Variants in PAQR3 observed in about 807,000 individuals in gnomAD.
PAQR3 encodes the protein Raf kinase trapping to Golgi.
PAQR3 carries 39 observed loss-of-function variants against 41.7 expected under a neutral mutation model. The observed-to-expected ratio is 0.93, with a 90% CI of 0.72 to 1.22. The LOEUF is 1.22. PAQR3 is among the 50% of genes most tolerant of loss of function. PAQR3 has a pLI of 0.00. For missense variants in PAQR3, 366 were observed against 385.6 expected, an observed-to-expected ratio of 0.95 and a Z score of 0.42; for synonymous variants, 140 against 140.6, an observed-to-expected ratio of 1.00 and a Z score of 0.03.
downstream of PAQR3, chr4:78,910,910 T>G: frequency 6.2e-7 from 1 of 1,613,942 alleles, no homozygotes; most frequent in East Asian, 2.2e-5. Flanking sequence ...AGGCCTCTCC[T>G]CATGGATTCT....
chr4:78,887,145 T>G, exon 13 of PAQR3: 2 of 1,386,426 alleles, frequency 1.4e-6, no homozygotes, highest in Non-Finnish European at 2.0e-6. Flanking sequence ...TCATTTCATT[T>G]TTTATTTCGT....
chr4:78,895,729 C>T (rs1733667853), intron 11 of PAQR3, among the ~76,000 whole-genome samples: 1 of 151,962 alleles, frequency 6.6e-6, no homozygotes, highest in Non-Finnish European at 1.5e-5. Context: ...ATATCATTGC[C>T]AATTGTACTC....
chr4:78,896,143 G>A (rs1733687295), intron 11 of PAQR3, among the ~76,000 whole-genome samples: 1 of 151,296 alleles, frequency 6.6e-6, no homozygotes, highest in African/African-American at 2.5e-5. Context: ...TAACTTTTTT[G>A]CAGCCAAGAT....
At chr4:78,901,451 C>T (rs1734002825) in intron 11 of PAQR3, among the ~76,000 whole-genome samples, 1 of 152,118 alleles carries the variant, frequency 6.6e-6, no homozygotes, top group Non-Finnish European at 1.5e-5. Context: ...TGCTAGTTTT[C>T]TCTTAACTGC....
At chr4:78,935,458 C>A (rs1474001060) in intron 1 of PAQR3, among the ~76,000 whole-genome samples, 175 bp from the exon 2 acceptor site, 2 of 152,178 alleles carry the variant, frequency 1.3e-5, no homozygotes, top group African/African-American at 4.8e-5. Flanking sequence ...AGTTTTTCTA[C>A]ATCGCCACCA....
chr4:78,907,305 T>A (rs1734334073), downstream of PAQR3, among the ~76,000 whole-genome samples: 1 of 152,148 alleles, frequency 6.6e-6, no homozygotes, highest in Admixed American at 6.5e-5. Flanking sequence ...ATGAGAAGTA[T>A]AAAGTGACAG....
rs201996036 is a variant in PAQR3 at position 78,918,464 on chromosome 4, TATATC to T, written c.*2070_*2074del. 0.028 allele frequency: 26,624 copies of T among 962,658 alleles called. 391 individuals carry two copies. The highest frequency in any genetic ancestry group is 0.05 in the Middle Eastern group (93 of 1,864). The allele number at this position is 962,658 out of a possible 1,614,324, so 59.6% of individuals were successfully genotyped here. A position where few individuals can be genotyped will look rare whatever the true frequency, so the allele number is the denominator to read the frequency against. The stretch of plus-strand genomic sequence containing the variant: ...CATTCATTCCCTATTTTATAATAAA[TATATC>T]ATAGCAGTGAAAAAATGAGAGGATA... On this transcript the variant is annotated 3_prime_UTR_variant, in exon 6 of 6. Transcript: ENST00000512733.
Position 78,895,377 on chromosome 4 carries a change from T to A in PAQR3, c.*837-7229A>T, listed in dbSNP as rs192688522. Among the ~76,000 whole-genome samples, 4 of 152,350 alleles carry A rather than the reference T, an allele frequency of 2.6e-5. No homozygotes were observed. The East Asian group carries it at 7.7e-4, about 29-fold the overall frequency. On this transcript the variant is annotated intron_variant and NMD_transcript_variant, in intron 11 of 12. Coordinates refer to the PAQR3 transcript ENST00000342820. ...CAGTTTAGCTGCATTTCACACATTTTGATATGCTGAATTTGCCACATAGTT... is the reference window on the plus strand; with the variant it reads ...CAGTTTAGCTGCATTTCACACATTTAGATATGCTGAATTTGCCACATAGTT...
intron 11 of PAQR3, among the ~76,000 whole-genome samples, chr4:78,890,239 G>T (rs922971562): frequency 1.3e-5 from 2 of 151,790 alleles, no homozygotes; most frequent in Non-Finnish European, 2.9e-5. Context: ...ACTCCTTAGA[G>T]GTAATTTTTC....
chr4:78,902,948 A>G (rs1472976592), intron 11 of PAQR3, among the ~76,000 whole-genome samples: 1 of 152,114 alleles, frequency 6.6e-6, no homozygotes, highest in Admixed American at 6.6e-5. Context: ...TTTATGAAGT[A>G]TTTGTTTAAA....
rs529073223 is a variant in PAQR3, at chr4:78,931,681, G to C, written c.349-1356C>G. ...ACTCTGTGGAGGTACATGTGCATTTGGAGGGTGGGACTGGTGGGAAGAAAA... is the reference window on the plus strand; with the variant it reads ...ACTCTGTGGAGGTACATGTGCATTTCGAGGGTGGGACTGGTGGGAAGAAAA... On this transcript the variant is annotated intron_variant, in intron 2 of 5. Transcript: ENST00000512733. Among the ~76,000 whole-genome samples, 144 of 152,268 alleles carry C rather than the reference G, an allele frequency of 9.5e-4. 1 individual carries two copies. In the Middle Eastern group the frequency reaches 0.01, roughly 11 times the overall value.
At chr4:78,902,164 G>A (rs1560554807) in intron 11 of PAQR3, among the ~76,000 whole-genome samples, 1 of 152,136 alleles carries the variant, frequency 6.6e-6, no homozygotes, top group Admixed American at 6.6e-5. Flanking sequence ...TATACATAGA[G>A]TAGAAAATGA....
chr4:78,935,114 G>T lies in PAQR3; in HGVS notation c.348+7C>A. ...TTACCAACAGCAGTATTTGTGAAAT[G>T]ACTTACCTGGAAGCAGAAAAGACAA... is the stretch of plus-strand genomic sequence containing the variant. On this transcript the variant is annotated splice_region_variant and intron_variant, in intron 2 of 5. Coordinates refer to ENST00000512733, the MANE Select transcript of PAQR3 (RefSeq NM_001040202.2). 2.5e-6 allele frequency: 4 copies of T among 1,611,482 alleles called. No individual in the cohort carries two copies. The South Asian group carries it at 4.4e-5, about 18-fold the overall frequency.
chr4:78,931,300 G>T (rs1736871066), intron 2 of PAQR3, among the ~76,000 whole-genome samples: 1 of 151,876 alleles, frequency 6.6e-6, no homozygotes, highest in Non-Finnish European at 1.5e-5. Flanking sequence ...CGAGGCTGCA[G>T]TGAGCCGTGA....
chr4:78,903,156 ACACC>A (rs1479850965), intron 11 of PAQR3, among the ~76,000 whole-genome samples: 1 of 151,834 alleles, frequency 6.6e-6, no homozygotes, highest in Non-Finnish European at 1.5e-5. Context: ...TCAAATTTTA[ACACC>A]TTCATAAAAG....
chr4:78,935,893 T>A (rs945367166), intron 1 of PAQR3, among the ~76,000 whole-genome samples: 4 of 152,252 alleles, frequency 2.6e-5, no homozygotes, highest in African/African-American at 7.2e-5. Flanking sequence ...TTGCCGTGGA[T>A]GTTTTAAAAC....
downstream of PAQR3, among the ~76,000 whole-genome samples, chr4:78,907,079 C>T (rs1009113094): frequency 6.6e-6 from 1 of 151,960 alleles, no homozygotes; most frequent in Non-Finnish European, 1.5e-5. Flanking sequence ...TGCCGAAAAA[C>T]TAGAAACAAC....
chr4:78,893,245 C>T (rs916368989), intron 11 of PAQR3, among the ~76,000 whole-genome samples: 2 of 152,222 alleles, frequency 1.3e-5, no homozygotes, highest in African/African-American at 2.4e-5. Flanking sequence ...AGCAACTCCT[C>T]ATCTGTTCCA....
downstream of PAQR3, among the ~76,000 whole-genome samples, chr4:78,909,741 T>A (rs1427022167): frequency 6.6e-6 from 1 of 152,202 alleles, no homozygotes; most frequent in East Asian, 1.9e-4. Context: ...TTCCCTGCTG[T>A]CCTTTATTTC....
Sources: allele counts gnomAD v4.1 joint callset (sites outside exome capture counted in the v4.1 genomes callset), GRCh38; gene constraint gnomAD v4.1.1; transcripts MANE v1.5; gene names NCBI Gene and HGNC (gene_info 2026-07-23, HGNC 2026-07-21).